The following SIM2 variants were observed in gnomAD, a reference collection of about 807,000 sequenced individuals.
The protein encoded by SIM2 is single-minded homolog 2.
Under a neutral mutation model 64.8 loss-of-function variants are expected in SIM2, and 28 were observed. That is an observed-to-expected ratio of 0.43 (90% confidence interval 0.32 to 0.59). The LOEUF is 0.59. Ranked by LOEUF, SIM2 falls within the 20% of genes least tolerant of loss-of-function variation. The probability of loss-of-function intolerance (pLI) is 0.07; values close to 1 mark genes in which losing one functional copy is unlikely to be tolerated. For synonymous variants in SIM2, 408 were observed against 391.1 expected, an observed-to-expected ratio of 1.04 and a Z score of -0.51; for missense variants, 847 against 871.4, an observed-to-expected ratio of 0.97 and a Z score of 0.35.
At position 36,749,102 on chromosome 21, in the gene SIM2, T is replaced by TA. The variant is rs1331365840; in HGVS notation, c.*1012dup. On this transcript the variant is annotated 3_prime_UTR_variant, in exon 11 of 11. Coordinates refer to ENST00000290399, the MANE Select transcript of SIM2 (RefSeq NM_005069.6). ...TTTTCTACACAGCGAGAAAACTTCG[T>TA]AAGAACATGTTACGTGTGCAACAGG... is the stretch of plus-strand genomic sequence containing the variant. 1 of 152,654 alleles carries TA rather than the reference T, an allele frequency of 6.6e-6. No homozygotes were observed. Among genetic ancestry groups the TA allele is most frequent in the Non-Finnish European group, 1.5e-5 (1 of 68,026 alleles). The allele number at this position is 152,654 out of a possible 1,614,324, so 9.5% of individuals were successfully genotyped here.
chr21:36,719,789 G>T, intron 3 of SIM2, 32 bp from the exon 4 acceptor site: 1 of 1,329,578 alleles, frequency 7.5e-7, no homozygotes, highest in Non-Finnish European at 1.1e-6. Flanking sequence ...CAGAGAGGCG[G>T]TGGCATTTCT....
Position 36,749,824 on chromosome 21 carries a change from G to A in SIM2, c.*1732G>A, listed in dbSNP as rs2123527604. The A allele has an allele frequency of 6.6e-6, 1 of 152,066 alleles. No homozygotes were observed. Among genetic ancestry groups the A allele is most frequent in the East Asian group, 1.9e-4 (1 of 5,180 alleles). The allele number at this position is 152,066 out of a possible 1,614,324, so 9.4% of individuals were successfully genotyped here. A position where few individuals can be genotyped will look rare whatever the true frequency, so the allele number is the denominator to read the frequency against. ...GTGTCTACCTTGTTATTAACTTTTG[G>A]GGCTGTATTTAGTAAAAATAAATCA... On this transcript the variant is annotated 3_prime_UTR_variant, in exon 11 of 11. Transcript: ENST00000290399.
chr21:36,705,714 C>A (rs565117413), intron 1 of SIM2, among the ~76,000 whole-genome samples: 67 of 152,304 alleles, frequency 4.4e-4, no homozygotes, highest in Admixed American at 1.0e-3. Context: ...GCTCCCAAAC[C>A]GTTCTGGATT....
chr21:36,733,517 A>G (rs1325171863), intron 7 of SIM2, among the ~76,000 whole-genome samples: 3 of 150,990 alleles, frequency 2.0e-5, no homozygotes, highest in African/African-American at 7.3e-5. Flanking sequence ...TTTAAATACC[A>G]TGTCTTTTAT....
chr21:36,727,374 C>T (rs796669049), intron 6 of SIM2, among the ~76,000 whole-genome samples: 12 of 152,286 alleles, frequency 7.9e-5, no homozygotes, highest in East Asian at 3.9e-4. Context: ...ACGCTAACTG[C>T]GTTTGGTTTT....
chr21:36,704,800 C>T (rs2088556354), intron 1 of SIM2, among the ~76,000 whole-genome samples: 2 of 152,254 alleles, frequency 1.3e-5, no homozygotes, highest in Non-Finnish European at 2.9e-5. Context: ...CCCTGCCCCT[C>T]CCCATCGGCC....
intron 7 of SIM2, among the ~76,000 whole-genome samples, chr21:36,731,931 G>A (rs2088974340): frequency 6.6e-6 from 1 of 152,174 alleles, no homozygotes; most frequent in African/African-American, 2.4e-5. Flanking sequence ...TGCCCAGGCT[G>A]GAGTGCAGTG....
Position 36,747,834 on chromosome 21 carries a change from GC to G in SIM2, c.1751del (p.Pro584ArgfsTer122), listed in dbSNP as rs1279924122. On this transcript the variant is annotated frameshift_variant, in exon 11 of 11. Transcript: ENST00000290399. LOFTEE classifies it high-confidence loss of function. This position sits in a 1 kb window ranked among gnomAD's most constrained non-coding sequence, Gnocchi z 4.5. Reference sequence around the variant, plus strand: ...CCCGCGCGGCACCCGAGTGCTGCGCGCCCCCGACCCCCGAGGCCCCGGGCGC... The same window carrying G: ...CCCGCGCGGCACCCGAGTGCTGCGCGCCCCGACCCCCGAGGCCCCGGGCGC... ...LARAAPECCA[P>X]PTPEAPGAPA... The G allele has an allele frequency of 3.9e-6, 4 of 1,032,424 alleles. No individual in the cohort carries two copies. Among genetic ancestry groups the G allele is most frequent in the Non-Finnish European group, 4.6e-6 (4 of 862,404 alleles). 64.0% of individuals were successfully genotyped at this position (1,032,424 alleles called of 1,614,324 possible).
At chr21:36,720,034 A>C in intron 4 of SIM2, 105 bp downstream of exon 4, 3 of 796,152 alleles carry the variant, frequency 3.8e-6, no homozygotes, top group Non-Finnish European at 6.5e-6. Context: ...GCTGGGCATG[A>C]CTAGGACTGC....
chr21:36,705,764 G>T (rs1452425844), intron 1 of SIM2, among the ~76,000 whole-genome samples: 2 of 152,234 alleles, frequency 1.3e-5, no homozygotes, highest in South Asian at 2.1e-4. Context: ...GAGGGCTGGG[G>T]TTAGGGACTG....
chr21:36,709,525 T>C, intron 2 of SIM2: 1 of 609,846 alleles, frequency 1.6e-6, no homozygotes, highest in Non-Finnish European at 3.0e-6. Context: ...CAGGGGCGCC[T>C]CCCGAGCGTG....
At position 36,747,879 on chromosome 21, in the gene SIM2, CGTGCTGCTCAACTACCACCGCGT is replaced by C; in HGVS notation, c.1793_1815del (p.Val598AlafsTer93). Reference sequence around the variant, plus strand: ...CGGGCGCGCCGGCGCAGCTGCCCTTCGTGCTGCTCAACTACCACCGCGTGCTGGCCCGGCGCGGACCGCTGGGG... The same window carrying C: ...CGGGCGCGCCGGCGCAGCTGCCCTTCGCTGGCCCGGCGCGGACCGCTGGGG... On this transcript the variant is annotated frameshift_variant, in exon 11 of 11. Coordinates refer to ENST00000290399, the MANE Select transcript of SIM2 (RefSeq NM_005069.6). LOFTEE classifies it high-confidence loss of function. This position sits in a 1 kb window ranked among gnomAD's most constrained non-coding sequence, Gnocchi z 4.5. 9.4e-7 allele frequency: 1 copy of C among 1,066,984 alleles called. No homozygotes were observed. Among genetic ancestry groups the C allele is most frequent in the Non-Finnish European group, 1.1e-6 (1 of 875,820 alleles). The allele number at this position is 1,066,984 out of a possible 1,614,324, so 66.1% of individuals were successfully genotyped here. A position where few individuals can be genotyped will look rare whatever the true frequency, so the allele number is the denominator to read the frequency against.
At chr21:36,710,950 A>G (rs2088667444) in intron 2 of SIM2, among the ~76,000 whole-genome samples, 1 of 152,204 alleles carries the variant, frequency 6.6e-6, no homozygotes, top group Non-Finnish European at 1.5e-5. Context: ...GGGACAACTA[A>G]GTGCTGGGGA....
At chr21:36,733,705 G>A (rs901902670) in intron 7 of SIM2, among the ~76,000 whole-genome samples, 6 of 151,938 alleles carry the variant, frequency 3.9e-5, no homozygotes, top group East Asian at 1.9e-4. Flanking sequence ...GACTACAGGC[G>A]CCCGCCAGCA....
In SIM2 at chr21:36,723,106, G is replaced by T. The variant is rs767697815; in HGVS notation, c.519G>T (p.Ala173=). 1 of 1,614,142 alleles carries T rather than the reference G, an allele frequency of 6.2e-7. No individual in the cohort carries two copies. The highest frequency in any genetic ancestry group is 8.5e-7 in the Non-Finnish European group (1 of 1,180,014). The change falls in exon 5 of 11, where the codon GCG becomes GCT. Residue 173 remains alanine (A), a synonymous_variant. Transcript: ENST00000290399. ...RMKCVLAKRN[A]GLTCSGYKVI... ...AATGTGTCTTGGCGAAAAGGAACGC[G>T]GGCCTGACCTGCAGCGGATACAAGG...
At chr21:36,722,842 G>T (rs2088841784) in intron 4 of SIM2, among the ~76,000 whole-genome samples, 1 of 152,158 alleles carries the variant, frequency 6.6e-6, no homozygotes, top group African/African-American at 2.4e-5. Flanking sequence ...TAGAGCCAAG[G>T]AAGCCACACC....
intron 6 of SIM2, among the ~76,000 whole-genome samples, chr21:36,727,807 A>ACTT (rs2088912498): frequency 6.6e-6 from 1 of 152,216 alleles, no homozygotes; most frequent in Non-Finnish European, 1.5e-5. Flanking sequence ...TTGTGGTAAA[A>ACTT]TACACATCAC....
chr21:36,722,508 GT>G (rs1469860589), intron 4 of SIM2, among the ~76,000 whole-genome samples: 1 of 152,218 alleles, frequency 6.6e-6, no homozygotes, highest in Admixed American at 6.5e-5. Flanking sequence ...AACAGAGGGT[GT>G]TTCCTTAGGG....
rs530722001 is a variant in SIM2, at chr21:36,702,238, A to G, written c.175+2317A>G. ...GCCTTGAGCAGCTTGCACTGGTGGC[A>G]GGTTTGGGAGCAGTTGAGGGGCTTC... is the stretch of plus-strand genomic sequence containing the variant. On this transcript the variant is annotated intron_variant, in intron 1 of 10. Coordinates refer to ENST00000290399, the MANE Select transcript of SIM2 (RefSeq NM_005069.6). 1.2e-4 allele frequency among the ~76,000 whole-genome samples: 19 copies of G among 152,230 alleles called. No homozygotes were observed. The South Asian group carries it at 3.7e-3, about 30-fold the overall frequency.
Sources: allele counts gnomAD v4.1 joint callset (sites outside exome capture counted in the v4.1 genomes callset), GRCh38; gene constraint gnomAD v4.1.1; non-coding constraint Gnocchi (gnomAD v3.1); transcripts MANE v1.5; gene names NCBI Gene and HGNC (gene_info 2026-07-23, HGNC 2026-07-21).